KIF6: variants seen among roughly 807,000 people sequenced by gnomAD.
KIF6 encodes the protein kinesin-like protein KIF6.
A neutral mutation model predicts 112.7 loss-of-function variants in KIF6; 106 were observed. The ratio of observed to expected loss-of-function variants is 0.94; its 90% CI spans 0.80 to 1.11. KIF6 has a LOEUF of 1.11. Among genes scored for constraint, KIF6 ranks in the 50% least tolerant of loss-of-function variants. The pLI, the probability that KIF6 is intolerant of heterozygous loss-of-function variation, is 0.00. For missense variants in KIF6, 929 were observed against 964.0 expected, an observed-to-expected ratio of 0.96 and a Z score of 0.48; for synonymous variants, 339 against 339.9, an observed-to-expected ratio of 1.00 and a Z score of 0.03.
chr6:39,597,932 G>A (rs931427197), intron 6 of KIF6, among the ~76,000 whole-genome samples: 5 of 152,222 alleles, frequency 3.3e-5, no homozygotes, highest in East Asian at 1.9e-4. Flanking sequence ...TTGGGAGGCT[G>A]AGGTAGATAG....
At chr6:39,711,130 ATG>A (rs975732843) in intron 3 of KIF6, among the ~76,000 whole-genome samples, 3 of 150,752 alleles carry the variant, frequency 2.0e-5, no homozygotes, top group Non-Finnish European at 3.0e-5. Context: ...GAAATGGTCC[ATG>A]TGATGACCCT....
At chr6:39,352,461 CACTG>C (rs1764328546) in intron 19 of KIF6, among the ~76,000 whole-genome samples, 1 of 152,316 alleles carries the variant, frequency 6.6e-6, no homozygotes, top group African/African-American at 2.4e-5. Flanking sequence ...CCATGACAAC[CACTG>C]ACTATTTCAC....
rs979125617 is a variant in KIF6, at chr6:39,330,808, TGAG to T, written c.*5721_*5723del. On this transcript the variant is annotated 3_prime_UTR_variant, in exon 23 of 23. Coordinates refer to ENST00000287152, the MANE Select transcript of KIF6 (RefSeq NM_145027.6). ...CACTCAGAGGCCACTTTTCGCAAGG[TGAG>T]GAGGAGCTTGTATTCAAGGAAACAC... The T allele has an allele frequency of 1.3e-5, 2 of 152,252 alleles. No individual in the cohort carries two copies. Among genetic ancestry groups the T allele is most frequent in the Admixed American group, 1.3e-4 (2 of 15,282 alleles). The allele number at this position is 152,252 out of a possible 1,614,324, so 9.4% of individuals were successfully genotyped here.
chr6:39,366,315 G>A (rs1214680883), intron 16 of KIF6, among the ~76,000 whole-genome samples: 1 of 152,224 alleles, frequency 6.6e-6, no homozygotes, highest in Non-Finnish European at 1.5e-5. Flanking sequence ...ATGCCACAAA[G>A]CTACCAAATA....
intron 3 of KIF6, chr6:39,690,385 T>G (rs1023245114): frequency 1.4e-4 from 21 of 152,156 alleles, no homozygotes; most frequent in African/African-American, 5.1e-4. Flanking sequence ...AACTTATACT[T>G]CATTCTGCAG....
At chr6:39,553,023 CT>C (rs1779473469) in intron 10 of KIF6, among the ~76,000 whole-genome samples, 1 of 152,160 alleles carries the variant, frequency 6.6e-6, no homozygotes, top group African/African-American at 2.4e-5. Context: ...TTCATGTTTG[CT>C]TTTTCTGAGA....
chr6:39,632,051 CT>C lies in KIF6; in HGVS notation c.509+2797del, dbSNP rs1366613845. Among the ~76,000 whole-genome samples the C allele has an allele frequency of 5.9e-5, 9 of 152,164 alleles. No homozygotes were observed. The East Asian group carries it at 1.5e-3, about 26-fold the overall frequency. On this transcript the variant is annotated intron_variant, in intron 5 of 22. Transcript: ENST00000287152. ...TTTCTCACATTTACTAAACAAATGA[CT>C]ATAGCAACATTTGAAAAAAGCAAAT...
intron 13 of KIF6, among the ~76,000 whole-genome samples, chr6:39,528,698 T>A (rs2150538305): frequency 6.6e-6 from 1 of 152,346 alleles, no homozygotes; most frequent in African/African-American, 2.4e-5. Context: ...TTATTGCAGT[T>A]TTTAATTTGC....
At chr6:39,412,998 T>C (rs1290072673) in intron 15 of KIF6, among the ~76,000 whole-genome samples, 1 of 152,114 alleles carries the variant, frequency 6.6e-6, no homozygotes, top group African/African-American at 2.4e-5. Context: ...GTTTTAATAA[T>C]AGATTGTGTT....
chr6:39,578,267 A>G (rs1781085876), intron 9 of KIF6, 108 bp from the exon 10 acceptor site: 1 of 710,704 alleles, frequency 1.4e-6, no homozygotes, highest in African/African-American at 1.8e-5. Context: ...GGACACAAAA[A>G]TGGGTAATGG....
At chr6:39,460,496 C>T (rs1773397457) in intron 13 of KIF6, among the ~76,000 whole-genome samples, 2 of 112,238 alleles carry the variant, frequency 1.8e-5, no homozygotes, top group Admixed American at 1.2e-4. Context: ...GCACAATGTG[C>T]ACATGTACCC....
chr6:39,695,864 C>G (rs1396491938), intron 3 of KIF6, among the ~76,000 whole-genome samples: 1 of 152,156 alleles, frequency 6.6e-6, no homozygotes, highest in Non-Finnish European at 1.5e-5. Context: ...CATCACAACA[C>G]TATTCACAAT....
At chr6:39,689,447 T>C (rs1314864709) in intron 3 of KIF6, among the ~76,000 whole-genome samples, 1 of 152,030 alleles carries the variant, frequency 6.6e-6, no homozygotes, top group Non-Finnish European at 1.5e-5. Context: ...CAATGAGCCC[T>C]GGTCACACCA....
intron 14 of KIF6, among the ~76,000 whole-genome samples, chr6:39,420,304 A>G (rs1227829909): frequency 2.0e-5 from 3 of 150,594 alleles, no homozygotes; most frequent in African/African-American, 7.2e-5. Flanking sequence ...CCTGGCTGTA[A>G]GGTTTCTGTG....
At chr6:39,493,618 TG>T (rs1775607074) in intron 13 of KIF6, among the ~76,000 whole-genome samples, 1 of 152,260 alleles carries the variant, frequency 6.6e-6, no homozygotes, top group Non-Finnish European at 1.5e-5. Context: ...GGCACAGTAT[TG>T]TCTGTGAATT....
At chr6:39,455,924 G>A (rs1445322751) in intron 13 of KIF6, among the ~76,000 whole-genome samples, 6 of 95,774 alleles carry the variant, frequency 6.3e-5, no homozygotes. Context: ...GCGGAGAATG[G>A]AACCAAGTTG....
chr6:39,537,014 A>G (rs1370750983), intron 13 of KIF6, among the ~76,000 whole-genome samples: 1 of 152,228 alleles, frequency 6.6e-6, no homozygotes, highest in Admixed American at 6.5e-5. Flanking sequence ...AAAATTCAAC[A>G]ATGCTTCATG....
intron 2 of KIF6, among the ~76,000 whole-genome samples, chr6:39,716,119 A>C (rs1323123151): frequency 6.6e-6 from 1 of 152,242 alleles, no homozygotes; most frequent in Admixed American, 6.5e-5. Context: ...TAAAAGAGAT[A>C]GCAGAAGTTT....
chr6:39,362,632 A>G (rs1765251962), intron 16 of KIF6, 114 bp from the exon 17 acceptor site: 2 of 807,872 alleles, frequency 2.5e-6, no homozygotes, highest in Non-Finnish European at 4.3e-6. Flanking sequence ...AGCCTCTGTG[A>G]GTTCCTTCTG....
Sources: gnomAD v4.1 joint callset for allele counts (sites outside exome capture counted in the v4.1 genomes callset) on GRCh38, gnomAD v4.1.1 for gene constraint, MANE v1.5 for transcripts, NCBI Gene and HGNC (gene_info 2026-07-23, HGNC 2026-07-21) for gene names.